Variants in SVEP1 observed in about 807,000 individuals in gnomAD.
The protein encoded by SVEP1 is sushi, von Willebrand factor type A, EGF and pentraxin domain containing 1, also known as sushi, von Willebrand factor type A, EGF and pentraxin domain-containing protein 1.
In SVEP1, 164 loss-of-function variants were observed where a neutral mutation model predicts 367.3. The ratio of observed to expected loss-of-function variants is 0.45; its 90% CI spans 0.39 to 0.51. The LOEUF (loss-of-function observed/expected upper bound fraction) is 0.51. Ranked by LOEUF, SVEP1 falls within the 20% of genes least tolerant of loss-of-function variation. The pLI is 0.00. For synonymous variants in SVEP1, 1,666 were observed against 1,611.6 expected (o/e 1.03, Z -0.81); for missense variants, 4,117 against 4,425.3 (o/e 0.93, Z 1.98).
chr9:110,409,076 A>G, intron 37 of SVEP1, 125 bp from the exon 38 acceptor site: 1 of 1,077,272 alleles, frequency 9.3e-7, no homozygotes, highest in Non-Finnish European at 1.3e-6. Context: ...GAAGTAAGCA[A>G]ATAATGATTT....
At chr9:110,468,291 TAAATA>T (rs998173097) in intron 17 of SVEP1, among the ~76,000 whole-genome samples, 24 of 152,028 alleles carry the variant, frequency 1.6e-4, no homozygotes, top group African/African-American at 5.8e-4. Flanking sequence ...AAAGAAAAAA[TAAATA>T]AAATTGCTTT....
intron 1 of SVEP1, among the ~76,000 whole-genome samples, chr9:110,560,538 T>G (rs907075040): frequency 6.6e-6 from 1 of 152,152 alleles, no homozygotes; most frequent in African/African-American, 2.4e-5. Context: ...TCACTTACAG[T>G]CTAATGGCTC....
chr9:110,426,930 TTA>T (rs1238072757), intron 36 of SVEP1, among the ~76,000 whole-genome samples: 4 of 152,184 alleles, frequency 2.6e-5, no homozygotes, highest in Non-Finnish European at 2.9e-5. Context: ...TATGTCATCT[TTA>T]TGTTATGACT....
At chr9:110,566,030 C>T (rs765380592) in intron 1 of SVEP1, among the ~76,000 whole-genome samples, 68 of 152,070 alleles carry the variant, frequency 4.5e-4, no homozygotes, top group African/African-American at 1.5e-3. Flanking sequence ...ATAATAATAA[C>T]CTAACCGGCC....
intron 30 of SVEP1, 134 bp downstream of exon 30, chr9:110,434,202 A>T: frequency 9.4e-7 from 1 of 1,066,026 alleles, no homozygotes; most frequent in Non-Finnish European, 1.3e-6. Flanking sequence ...TCATTAAACA[A>T]AGAAAAGGTT....
At chr9:110,412,479 C>A (rs1195566764) in intron 36 of SVEP1, among the ~76,000 whole-genome samples, 1 of 152,078 alleles carries the variant, frequency 6.6e-6, no homozygotes, top group East Asian at 1.9e-4. Context: ...AGGACATAGG[C>A]ATGGGCAAGG....
intron 43 of SVEP1, among the ~76,000 whole-genome samples, chr9:110,382,989 A>G (rs1051126143): frequency 6.6e-6 from 1 of 152,068 alleles, no homozygotes; most frequent in Non-Finnish European, 1.5e-5. Context: ...GCGTCTTTGC[A>G]TTGGTTTAGA....
chr9:110,447,993 T>G (rs372547965), intron 24 of SVEP1, among the ~76,000 whole-genome samples: 7 of 152,322 alleles, frequency 4.6e-5, no homozygotes, highest in African/African-American at 1.7e-4. Flanking sequence ...AGAATATGTA[T>G]GTTATGATAC....
At chr9:110,534,274 T>A (rs545704750) in intron 3 of SVEP1, among the ~76,000 whole-genome samples, 6 of 152,090 alleles carry the variant, frequency 3.9e-5, no homozygotes, top group Non-Finnish European at 8.8e-5. Context: ...TAAGAACATG[T>A]GGTGTTTGGT....
At chr9:110,508,233 T>A (rs1829653668) in intron 5 of SVEP1, among the ~76,000 whole-genome samples, 1 of 152,164 alleles carries the variant, frequency 6.6e-6, no homozygotes, top group African/African-American at 2.4e-5. Flanking sequence ...AAGAGAAAAG[T>A]CTACTTGTAG....
intron 26 of SVEP1, among the ~76,000 whole-genome samples, chr9:110,444,763 A>C (rs1443490290): frequency 6.6e-6 from 1 of 150,594 alleles, no homozygotes; most frequent in African/African-American, 2.4e-5. Context: ...AAAAAATAAT[A>C]TTTTTGCAAT....
intron 1 of SVEP1, among the ~76,000 whole-genome samples, chr9:110,575,099 A>C (rs1201843821): frequency 2.0e-5 from 3 of 152,160 alleles, no homozygotes; most frequent in Non-Finnish European, 1.5e-5. Context: ...AATGAGAAAA[A>C]ATAAAAATAA....
chr9:110,566,027 T>C (rs1830487567), intron 1 of SVEP1, among the ~76,000 whole-genome samples: 1 of 151,998 alleles, frequency 6.6e-6, no homozygotes. Flanking sequence ...ATAATAATAA[T>C]AACCTAACCG....
Position 110,579,085 on chromosome 9 carries a change from G to C in SVEP1, c.459C>G (p.Leu153=). ...RRARQHKCAL[L]LQEIPAISYR... The stretch of plus-strand genomic sequence containing the variant: ...AGGAGATGGCAGGGATCTCTTGGAG[G>C]AGCAGCGCGCACTTGTGCTGGCGCG... The change falls in exon 1 of 48, where the codon CTC becomes CTG. Residue 153 remains leucine, a synonymous_variant. Transcript: ENST00000374469. This position sits in a 1 kb window ranked among gnomAD's most constrained non-coding sequence, Gnocchi z 5.3. 6.4e-7 allele frequency: 1 copy of C among 1,551,834 alleles called. No homozygotes were observed. The highest frequency in any genetic ancestry group is 1.7e-4 in the Middle Eastern group (1 of 5,986).
intron 9 of SVEP1, among the ~76,000 whole-genome samples, chr9:110,487,124 T>C (rs927252603): frequency 4.6e-5 from 7 of 152,118 alleles, no homozygotes; most frequent in African/African-American, 1.7e-4. Flanking sequence ...ACCTGGCTAA[T>C]TTTGTATTTT....
intron 3 of SVEP1, among the ~76,000 whole-genome samples, chr9:110,519,346 G>A (rs1829849531): frequency 6.6e-6 from 1 of 151,998 alleles, no homozygotes; most frequent in Non-Finnish European, 1.5e-5. Flanking sequence ...AGATGCTCTG[G>A]CGCTTGGTAA....
intron 3 of SVEP1, among the ~76,000 whole-genome samples, chr9:110,541,925 C>T (rs1472564483): frequency 6.8e-6 from 1 of 147,752 alleles, no homozygotes; most frequent in East Asian, 2.0e-4. Context: ...ACATAGATAT[C>T]TACATATTAC....
At chr9:110,500,295 C>T (rs950146165) in intron 6 of SVEP1, among the ~76,000 whole-genome samples, 2 of 152,060 alleles carry the variant, frequency 1.3e-5, no homozygotes, top group African/African-American at 4.8e-5. Context: ...ATTTGTGGTT[C>T]GACGATAATG....
intron 39 of SVEP1, 32 bp downstream of exon 39, chr9:110,404,295 C>A: frequency 1.3e-6 from 2 of 1,589,690 alleles, no homozygotes; most frequent in Non-Finnish European, 1.7e-6. Context: ...TATATGTAGG[C>A]ATTACACATT....
Sources: allele counts gnomAD v4.1 joint callset (sites outside exome capture counted in the v4.1 genomes callset), GRCh38; gene constraint gnomAD v4.1.1; non-coding constraint Gnocchi (gnomAD v3.1); transcripts MANE v1.5; gene names NCBI Gene and HGNC (gene_info 2026-07-23, HGNC 2026-07-21).